The following NEMP1 variants were observed in gnomAD, a reference collection of about 807,000 sequenced individuals.
NEMP1 encodes the protein transmembrane protein 194.
NEMP1 carries 29 observed loss-of-function variants against 53.7 expected under a neutral mutation model. The observed-to-expected ratio is 0.54, with a 90% CI of 0.40 to 0.74. NEMP1 has a LOEUF of 0.74. Ranked by LOEUF, NEMP1 falls within the 30% of genes least tolerant of loss-of-function variation. The pLI is 0.00. For missense variants in NEMP1, 477 were observed against 528.6 expected, an observed-to-expected ratio of 0.90 and a Z score of 0.96; for synonymous variants, 193 against 192.9, an observed-to-expected ratio of 1.00 and a Z score of 0.00.
At position 57,072,845 on chromosome 12, in the gene NEMP1, T is replaced by C; in HGVS notation, c.195A>G (p.Gln65=). Residue 65 remains glutamine, a synonymous_variant, in exon 2 of 9, where the codon CAA becomes CAG. Coordinates refer to ENST00000300128, the MANE Select transcript of NEMP1 (RefSeq NM_001130963.2). ...GGATAAGCACATTTGTGTAACAGAA[T>C]TGTTGGCTGGCACGCTTTTCACAAA... ...SQVCEKRASQ[Q]FCYTNVLIPK... is the part of the protein sequence containing the mutation. 6.2e-7 allele frequency: 1 copy of C among 1,613,780 alleles called. No homozygotes were observed. Among genetic ancestry groups the C allele is most frequent in the Non-Finnish European group, 8.5e-7 (1 of 1,179,842 alleles).
At position 57,078,677 on chromosome 12, in the gene NEMP1, C is replaced by G. The variant is rs771404399; in HGVS notation, c.69G>C (p.Gly23=). ...AGAGTAGCCGCACTGTCCCACCGCC[C>G]CCGACTCCCGAGCCCCAGGGCCCGG... ...VGPGPWGSGV[G]GGGTVRLLLI... is the part of the protein sequence containing the mutation. The change falls in exon 1 of 9, where the codon GGG becomes GGC. Residue 23 remains glycine, a synonymous_variant. Coordinates refer to ENST00000300128, the MANE Select transcript of NEMP1 (RefSeq NM_001130963.2). The G allele has an allele frequency of 1.2e-6, 2 of 1,613,586 alleles. No individual in the cohort carries two copies. Among genetic ancestry groups the G allele is most frequent in the East Asian group, 4.5e-5 (2 of 44,850 alleles).
rs1021322002 is a variant in NEMP1 at position 57,056,844 on chromosome 12, G to A, written c.*3035C>T. On this transcript the variant is annotated 3_prime_UTR_variant, in exon 9 of 9. Coordinates refer to ENST00000300128, the MANE Select transcript of NEMP1 (RefSeq NM_001130963.2). ...AAGGGAACACCATCAGTCAAGAGACGGCTGGGCCCTAGAATGGAATCTATT... is the reference window on the plus strand; with the variant it reads ...AAGGGAACACCATCAGTCAAGAGACAGCTGGGCCCTAGAATGGAATCTATT... 6 of 152,228 alleles carry A rather than the reference G, an allele frequency of 3.9e-5. No homozygotes were observed. Among genetic ancestry groups the A allele is most frequent in the Middle Eastern group, 3.4e-3 (1 of 294 alleles). 9.4% of individuals were successfully genotyped at this position (152,228 alleles called of 1,614,324 possible).
At chr12:57,084,367 C>G (rs2032933658) in intron 1 of NEMP1, among the ~76,000 whole-genome samples, 1 of 152,174 alleles carries the variant, frequency 6.6e-6, no homozygotes, top group Non-Finnish European at 1.5e-5. Flanking sequence ...AGAAGGAACA[C>G]TCCATTCCAC....
chr12:57,080,344 C>T (rs983741704), upstream of NEMP1, among the ~76,000 whole-genome samples: 2 of 150,718 alleles, frequency 1.3e-5, no homozygotes, highest in Admixed American at 6.6e-5. Context: ...TTTGGGAGTC[C>T]GAGGCGGGTG....
rs1447885898 is a variant in NEMP1, at chr12:57,075,210, C to T, written c.128-2298G>A. On this transcript the variant is annotated intron_variant, in intron 1 of 8. Transcript: ENST00000300128. ...AACCATCCTGGCTAACAAGGTGAAA[C>T]CCCATCTCTACTAAAAGCACAAAAA... Among the ~76,000 whole-genome samples, 8 of 151,716 alleles carry T rather than the reference C, an allele frequency of 5.3e-5. No individual in the cohort carries two copies. The East Asian group carries it at 1.2e-3, about 22-fold the overall frequency.
At chr12:57,087,096 C>T (rs780852862) in intron 1 of NEMP1, among the ~76,000 whole-genome samples, 15 of 152,352 alleles carry the variant, frequency 9.8e-5, no homozygotes, top group Non-Finnish European at 2.1e-4. Flanking sequence ...CCTCGTCCCT[C>T]TCTGGCCGAG....
chr12:57,068,525 A>G (rs2032201862), intron 4 of NEMP1, among the ~76,000 whole-genome samples: 1 of 151,976 alleles, frequency 6.6e-6, no homozygotes, highest in African/African-American at 2.4e-5. Flanking sequence ...TAATTTTTGT[A>G]TAGACAGGGT....
At position 57,061,257 on chromosome 12, in the gene NEMP1, A is replaced by T. The variant is rs185328148; in HGVS notation, c.981-312T>A. The stretch of plus-strand genomic sequence containing the variant: ...TTTTATATAAAATGACTAGAATAAA[A>T]ATATAAAAATGCCTATAGAAAGTAA... On this transcript the variant is annotated intron_variant, in intron 7 of 8. Coordinates refer to ENST00000300128, the MANE Select transcript of NEMP1 (RefSeq NM_001130963.2). Among the ~76,000 whole-genome samples, 9 of 152,362 alleles carry T rather than the reference A, an allele frequency of 5.9e-5. No individual in the cohort carries two copies. In the East Asian group the frequency reaches 1.7e-3, roughly 29 times the overall value.
Position 57,059,747 on chromosome 12 carries a change from C to T in NEMP1, c.*132G>A. ...ATTTCCAAAGGGAGGCCTTTTTAGG[C>T]CTCTTATTTCAGTAGGAGAATTTCT... On this transcript the variant is annotated 3_prime_UTR_variant, in exon 9 of 9. Transcript: ENST00000300128. 1.3e-6 allele frequency: 1 copy of T among 786,152 alleles called. No individual in the cohort carries two copies. The highest frequency in any genetic ancestry group is 1.7e-5 in the African/African-American group (1 of 57,164). 48.7% of individuals were successfully genotyped at this position (786,152 alleles called of 1,614,324 possible).
At chr12:57,063,975 T>G (rs1165593256) in intron 6 of NEMP1, 96 bp downstream of exon 6, 3 of 671,798 alleles carry the variant, frequency 4.5e-6, no homozygotes, top group Non-Finnish European at 7.5e-6. Context: ...TGACATGAAC[T>G]ATTAAATCCC....
chr12:57,086,318 A>G (rs1471189543), intron 1 of NEMP1, among the ~76,000 whole-genome samples: 1 of 152,226 alleles, frequency 6.6e-6, no homozygotes, highest in Non-Finnish European at 1.5e-5. Flanking sequence ...GGAGGAGACC[A>G]GCACAGATAA....
chr12:57,064,416 C>G (rs1270292866), intron 5 of NEMP1, among the ~76,000 whole-genome samples: 2 of 152,096 alleles, frequency 1.3e-5, no homozygotes, highest in African/African-American at 4.8e-5. Context: ...AATTAAAAAA[C>G]AGGAAGCAGA....
Position 57,078,720 on chromosome 12 carries a change from A to ACCGCCACTTTCATTCCTC in NEMP1, c.8_25dup (p.Gly3_Ala8dup), listed in dbSNP as rs763887041. 3 of 1,611,570 alleles carry ACCGCCACTTTCATTCCTC rather than the reference A, an allele frequency of 1.9e-6. No individual in the cohort carries two copies. In the African/African-American group the frequency reaches 4.0e-5, roughly 22 times the overall value. ...GGGCCCGGGACCAACTGCCGGCGAG[A>ACCGCCACTTTCATTCCTC]CCGCCACTTTCATTCCTCCCGCCAT... On this transcript the variant is annotated inframe_insertion, in exon 1 of 9. Coordinates refer to ENST00000300128, the MANE Select transcript of NEMP1 (RefSeq NM_001130963.2).
In NEMP1 at chr12:57,058,632, T is replaced by C. The variant is rs2031645846; in HGVS notation, c.*1247A>G. On this transcript the variant is annotated 3_prime_UTR_variant, in exon 9 of 9. Coordinates refer to ENST00000300128, the MANE Select transcript of NEMP1 (RefSeq NM_001130963.2). ...GGTCAGAAACGCAATCATAAATAAG[T>C]GTAAGTTCATGGAAACTTGACAGCT... 1 of 152,216 alleles carries C rather than the reference T, an allele frequency of 6.6e-6. No individual in the cohort carries two copies. Among genetic ancestry groups the C allele is most frequent in the South Asian group, 2.1e-4 (1 of 4,836 alleles). The allele number at this position is 152,216 out of a possible 1,614,324, so 9.4% of individuals were successfully genotyped here.
At position 57,070,805 on chromosome 12, in the gene NEMP1, T is replaced by G. The variant is rs79561309; in HGVS notation, c.341A>C (p.Asn114Thr). 179 of 1,613,950 alleles carry G rather than the reference T, an allele frequency of 1.1e-4. No individual in the cohort carries two copies. In the African/African-American group the frequency reaches 2.1e-3, roughly 19 times the overall value. The change falls in exon 3 of 9, where the codon AAC (asparagine) becomes ACC (threonine). Residue 114 changes from asparagine (N) to threonine (T), a missense_variant. By Grantham distance (65) the Asn-to-Thr change is moderately conservative. Transcript: ENST00000300128. ...CTCTTTTAAAAAGGAGGAAAAAAAG[T>G]TCCAGATACTAAACTGCTCTAGCTC... The part of the protein sequence containing the change: ...LKELEQFSIW[N>T]FFSSFLKEKL...
intron 1 of NEMP1, among the ~76,000 whole-genome samples, chr12:57,075,117 T>C (rs1159594460): frequency 1.3e-5 from 2 of 150,962 alleles, no homozygotes; most frequent in Non-Finnish European, 1.5e-5. Flanking sequence ...CTGGGCGCCG[T>C]GGCTCACACC....
At chr12:57,080,867 G>A (rs1384676153), upstream of NEMP1, among the ~76,000 whole-genome samples, 1 of 151,260 alleles carries the variant, frequency 6.6e-6, no homozygotes, top group African/African-American at 2.4e-5. Context: ...CTCCAGCCTG[G>A]GTGACAGAGC....
intron 1 of NEMP1, among the ~76,000 whole-genome samples, chr12:57,087,530 G>A (rs1468427153): frequency 6.6e-6 from 1 of 152,146 alleles, no homozygotes; most frequent in African/African-American, 2.4e-5. Context: ...TCCAGTTGCG[G>A]GGCGGGGGAC....
Position 57,060,939 on chromosome 12 carries a change from C to T in NEMP1, c.987G>A (p.Val329=), listed in dbSNP as rs888396782. 1 of 1,613,468 alleles carries T rather than the reference C, an allele frequency of 6.2e-7. No homozygotes were observed. The highest frequency in any genetic ancestry group is 8.5e-7 in the Non-Finnish European group (1 of 1,179,830). ...IQWLYITCRK[V]CKGAEKPVPP... ...GAACAGGCTTTTCTGCTCCCTTACA[C>T]ACCTTTCTGTGCTCACCAAAATAAC... is the stretch of plus-strand genomic sequence containing the variant. Residue 329 remains valine, a synonymous_variant, in exon 8 of 9, where the codon GTG becomes GTA. Transcript: ENST00000300128.
Sources: allele counts gnomAD v4.1 joint callset (sites outside exome capture counted in the v4.1 genomes callset), GRCh38; gene constraint gnomAD v4.1.1; transcripts MANE v1.5; gene names NCBI Gene and HGNC (gene_info 2026-07-23, HGNC 2026-07-21).